QRICH1: variants seen among roughly 807,000 people sequenced by gnomAD.
QRICH1 encodes the protein glutamine rich 1, also known as transcriptional regulator QRICH1.
Under a neutral mutation model 87.1 loss-of-function variants are expected in QRICH1, and 16 were observed. That is an observed-to-expected ratio of 0.18 (90% CI 0.12 to 0.28). QRICH1 has a LOEUF of 0.28. QRICH1 is among the 10% of genes least tolerant of loss of function. The probability of loss-of-function intolerance (pLI) is 1.00; values close to 1 mark genes in which losing one functional copy is unlikely to be tolerated. For missense variants in QRICH1, 647 were observed against 951.7 expected (o/e 0.68, Z 4.21); for synonymous variants, 367 against 368.4 (o/e 1.00, Z 0.05).
At chr3:49,084,729 ACTTCAG>A (rs2042135066) in intron 1 of QRICH1, among the ~76,000 whole-genome samples, 1 of 151,946 alleles carries the variant, frequency 6.6e-6, no homozygotes, top group Admixed American at 6.6e-5. Flanking sequence ...GCGCCACTGC[ACTTCAG>A]CCTGGGGAAA....
In QRICH1 at chr3:49,076,691, T is replaced by G. The variant is rs1256430494; in HGVS notation, c.309+18A>C. The G allele has an allele frequency of 6.6e-7, 1 of 1,519,534 alleles. No homozygotes were observed. Among genetic ancestry groups the G allele is most frequent in the East Asian group, 2.3e-5 (1 of 43,422 alleles). The allele number at this position is 1,519,534 out of a possible 1,614,324, so 94.1% of individuals were successfully genotyped here. On this transcript the variant is annotated intron_variant, in intron 2 of 9. Transcript: ENST00000395443. ...TAAAGTACATTAAACAGGCTGCACC[T>G]CAGCATTTCCCATATACCTGAACCT... is the stretch of plus-strand genomic sequence containing the variant.
intron 3 of QRICH1, among the ~76,000 whole-genome samples, chr3:49,051,559 A>T (rs941815981): frequency 1.5e-5 from 2 of 133,250 alleles, no homozygotes; most frequent in Non-Finnish European, 3.2e-5. Flanking sequence ...ACCACTATGT[A>T]CCTCCAAGCT....
At chr3:49,087,855 T>C (rs892980358) in intron 1 of QRICH1, among the ~76,000 whole-genome samples, 1 of 108,486 alleles carries the variant, frequency 9.2e-6, no homozygotes, top group East Asian at 3.6e-4. Context: ...ATGTCTTCTA[T>C]GCTTCTTTGA....
intron 2 of QRICH1, among the ~76,000 whole-genome samples, chr3:49,059,795 G>A (rs893188972): frequency 6.6e-5 from 10 of 151,294 alleles, no homozygotes; most frequent in South Asian, 2.1e-4. Context: ...ACGGCTCACC[G>A]TAACCTCTGC....
chr3:49,080,014 C>CT (rs1420279824), intron 1 of QRICH1, among the ~76,000 whole-genome samples: 1 of 136,042 alleles, frequency 7.4e-6, no homozygotes, highest in African/African-American at 2.7e-5. Flanking sequence ...GGGCGCCAGA[C>CT]TGAGACTCTA....
intron 3 of QRICH1, among the ~76,000 whole-genome samples, chr3:49,052,350 T>C (rs1326463555): frequency 6.6e-6 from 1 of 152,082 alleles, no homozygotes; most frequent in Non-Finnish European, 1.5e-5. Flanking sequence ...GTATTGTCAA[T>C]AAGTCCAAGT....
chr3:49,047,710 C>T (rs931138778), intron 3 of QRICH1, among the ~76,000 whole-genome samples: 4 of 151,872 alleles, frequency 2.6e-5, no homozygotes, highest in African/African-American at 9.7e-5. Context: ...CTTGAACTCC[C>T]AACCTCAGGT....
At chr3:49,060,105 G>C (rs2093645155) in intron 2 of QRICH1, among the ~76,000 whole-genome samples, 1 of 151,214 alleles carries the variant, frequency 6.6e-6, no homozygotes, top group African/African-American at 2.4e-5. Context: ...GGATGGTCTT[G>C]ATCTCCTGAC....
At chr3:49,076,529 A>G (rs2041955293) in intron 2 of QRICH1, among the ~76,000 whole-genome samples, 180 bp downstream of exon 2, 3 of 152,190 alleles carry the variant, frequency 2.0e-5, no homozygotes, top group African/African-American at 7.2e-5. Flanking sequence ...TTGTTTAAAA[A>G]AAAAAAAAAG....
intron 2 of QRICH1, among the ~76,000 whole-genome samples, chr3:49,066,027 G>C (rs1430258472): frequency 1.3e-5 from 2 of 152,114 alleles, no homozygotes; most frequent in Admixed American, 1.3e-4. Context: ...GCTCATGCCT[G>C]TAACCTCAGC....
At chr3:49,044,314 A>G in intron 6 of QRICH1, 76 bp downstream of exon 6, 1 of 1,196,236 alleles carries the variant, frequency 8.4e-7, no homozygotes, top group East Asian at 2.4e-5. Context: ...CATGCTTTTC[A>G]TAGCCAACCA....
chr3:49,049,273 C>T (rs2093356527), intron 3 of QRICH1, among the ~76,000 whole-genome samples: 1 of 151,390 alleles, frequency 6.6e-6, no homozygotes, highest in South Asian at 2.1e-4. Flanking sequence ...GGTGAAACCC[C>T]ATCTCTACTA....
chr3:49,030,181 C>T lies in QRICH1; in HGVS notation c.*271G>A, dbSNP rs1244625960. On this transcript the variant is annotated 3_prime_UTR_variant, in exon 10 of 10. Coordinates refer to ENST00000395443, the MANE Select transcript of QRICH1 (RefSeq NM_198880.3). ...ACAGTCCAAGCCCTTTCCCCAGGCCCCAGACAAAAAAGAGTCAGCCAGCAA... is the reference window on the plus strand; with the variant it reads ...ACAGTCCAAGCCCTTTCCCCAGGCCTCAGACAAAAAAGAGTCAGCCAGCAA... 3.9e-6 allele frequency: 2 copies of T among 509,598 alleles called. No individual in the cohort carries two copies. The highest frequency in any genetic ancestry group is 3.0e-5 in the South Asian group (1 of 33,336). 31.6% of individuals were successfully genotyped at this position (509,598 alleles called of 1,614,324 possible). A position where few individuals can be genotyped will look rare whatever the true frequency, so the allele number is the denominator to read the frequency against.
In QRICH1 at chr3:49,092,838, A is replaced by G. The variant is rs183688212; in HGVS notation, c.-22+1074T>C. Among the ~76,000 whole-genome samples the G allele has an allele frequency of 4.2e-4, 64 of 152,344 alleles. 1 individual carries two copies. Among genetic ancestry groups the G allele is most frequent in the Middle Eastern group, 6.8e-3 (2 of 294 alleles). On this transcript the variant is annotated intron_variant, in intron 1 of 9. Transcript: ENST00000395443. ...TTTCTGCTGGGATTTCTGCAATTTC[A>G]AAAAAGGTAAAGCACTGATTCTCAG... is the stretch of plus-strand genomic sequence containing the variant.
At chr3:49,071,397 CTGTAATCCAAACACTTTGTATT>C (rs1231618037) in intron 2 of QRICH1, among the ~76,000 whole-genome samples, 14 of 152,256 alleles carry the variant, frequency 9.2e-5, no homozygotes, top group South Asian at 4.1e-4. Flanking sequence ...TGGCTTGTGC[CTGTAATCCAAACACTTTGTATT>C]TGTAATCCAA....
Position 49,030,459 on chromosome 3 carries a change from A to C in QRICH1, c.2324T>G (p.Met775Arg). ...TGCCATGGCCAAGGCATCTCAGTGC[A>C]TAGTGCTTGCATTGGCCACTGCGAT... ...EAIAVANAST[M>R]H Residue 775 changes from methionine to arginine, a missense_variant, in exon 10 of 10, where the codon ATG (methionine) becomes AGG (arginine). Coordinates refer to ENST00000395443, the MANE Select transcript of QRICH1 (RefSeq NM_198880.3). The C allele has an allele frequency of 6.2e-7, 1 of 1,613,142 alleles. No homozygotes were observed. The highest frequency in any genetic ancestry group is 1.3e-5 in the African/African-American group (1 of 74,978).
intron 3 of QRICH1, among the ~76,000 whole-genome samples, chr3:49,053,498 A>AAC (rs1553742898): frequency 6.6e-6 from 1 of 151,246 alleles, no homozygotes; most frequent in Non-Finnish European, 1.5e-5. Context: ...AAAAAAAAAA[A>AAC]AAAAAAACAA....
At chr3:49,076,450 G>A (rs941599761) in intron 2 of QRICH1, among the ~76,000 whole-genome samples, 2 of 151,646 alleles carry the variant, frequency 1.3e-5, no homozygotes, top group South Asian at 4.2e-4. Context: ...CTTCTGGGTT[G>A]GGGTTTCCTA....
chr3:49,060,516 G>A (rs2093428546), intron 2 of QRICH1, among the ~76,000 whole-genome samples: 1 of 151,914 alleles, frequency 6.6e-6, no homozygotes, highest in South Asian at 2.1e-4. Context: ...TTTTAGTAGA[G>A]ACGGGGTTTC....
Sources: allele counts gnomAD v4.1 joint callset (sites outside exome capture counted in the v4.1 genomes callset), GRCh38; gene constraint gnomAD v4.1.1; transcripts MANE v1.5; gene names NCBI Gene and HGNC (gene_info 2026-07-23, HGNC 2026-07-21).